The following EPB41L4A variants were observed in gnomAD, a reference collection of about 807,000 sequenced individuals.
EPB41L4A encodes band 4.1-like protein 4A.
Under a neutral mutation model 108.6 loss-of-function variants are expected in EPB41L4A, and 100 were observed. The ratio of observed to expected loss-of-function variants is 0.92; its 90% CI spans 0.78 to 1.09. EPB41L4A has a LOEUF of 1.09. EPB41L4A is among the 50% of genes least tolerant of loss of function. The pLI is 0.00. For synonymous variants in EPB41L4A, 319 were observed against 289.0 expected (o/e 1.10, Z -1.05); for missense variants, 1,030 against 842.7 (o/e 1.22, Z -2.75).
chr5:112,327,701 G>C (rs937279585), intron 1 of EPB41L4A, among the ~76,000 whole-genome samples: 1 of 152,018 alleles, frequency 6.6e-6, no homozygotes, highest in African/African-American at 2.4e-5. Context: ...TTGGGTGACA[G>C]AGTGAGATCC....
intron 7 of EPB41L4A, among the ~76,000 whole-genome samples, chr5:112,261,745 G>A (rs1751500316): frequency 6.6e-6 from 1 of 152,158 alleles, no homozygotes; most frequent in African/African-American, 2.4e-5. Flanking sequence ...CATATTGACA[G>A]AATCAACAGT....
At chr5:112,313,949 C>T (rs568584066) in intron 1 of EPB41L4A, among the ~76,000 whole-genome samples, 6 of 149,186 alleles carry the variant, frequency 4.0e-5, no homozygotes, top group African/African-American at 9.9e-5. Context: ...CTGCAAGCTC[C>T]GCCTCCCGGG....
At chr5:112,259,398 T>C (rs1751337626) in intron 8 of EPB41L4A, 106 bp from the exon 9 acceptor site, 2 of 855,958 alleles carry the variant, frequency 2.3e-6, no homozygotes, top group Non-Finnish European at 2.0e-6. Context: ...GGCTCCTTTA[T>C]ATACTGCTCC....
At position 112,178,977 on chromosome 5, in the gene EPB41L4A, A is replaced by C. The variant is rs78876726; in HGVS notation, c.1622+5039T>G. On this transcript the variant is annotated intron_variant, in intron 18 of 22. Transcript: ENST00000261486. Reference sequence around the variant, plus strand: ...GTTCTCTGAAAAAAATAAATTAAAAAAAAATGAAGAGAAAACACAAATCAC... The same window carrying C: ...GTTCTCTGAAAAAAATAAATTAAAACAAAATGAAGAGAAAACACAAATCAC... Among the ~76,000 whole-genome samples, 887 of 152,170 alleles carry C rather than the reference A, an allele frequency of 5.8e-3. 3 individuals are homozygous for C. The highest frequency in any genetic ancestry group is 0.014 in the Middle Eastern group (4 of 292).
At chr5:112,262,628 G>T in intron 6 of EPB41L4A, 47 bp from the exon 7 acceptor site, 2 of 1,438,886 alleles carry the variant, frequency 1.4e-6, no homozygotes, top group Non-Finnish European at 1.9e-6. Context: ...AGCAGCTACT[G>T]CACTTACAGG....
At chr5:112,418,657 T>G (rs374579844) in intron 1 of EPB41L4A, among the ~76,000 whole-genome samples, 1 of 152,076 alleles carries the variant, frequency 6.6e-6, no homozygotes, top group African/African-American at 2.4e-5. Flanking sequence ...CCAGAGGCTT[T>G]TGGAGAAAAC....
At chr5:112,210,327 G>T (rs1409593046) in intron 12 of EPB41L4A, among the ~76,000 whole-genome samples, 1 of 152,002 alleles carries the variant, frequency 6.6e-6, no homozygotes, top group African/African-American at 2.4e-5. Flanking sequence ...AAAACATAAT[G>T]ATCAGGTTTT....
At chr5:112,341,753 A>AAG in intron 1 of EPB41L4A, among the ~76,000 whole-genome samples, 1 of 149,472 alleles carries the variant, frequency 6.7e-6, no homozygotes, top group Non-Finnish European at 1.5e-5. Flanking sequence ...CACTATTTAA[A>AAG]ACACACACAC....
rs144058802 is a variant in EPB41L4A at position 112,170,514 on chromosome 5, G to A, written c.1671-145C>T. The A allele has an allele frequency of 4.3e-5, 26 of 610,890 alleles. 1 individual carries two copies. In the Middle Eastern group the frequency reaches 1.0e-3, roughly 24 times the overall value. The allele number at this position is 610,890 out of a possible 1,614,324, so 37.8% of individuals were successfully genotyped here. A position where few individuals can be genotyped will look rare whatever the true frequency, so the allele number is the denominator to read the frequency against. On this transcript the variant is annotated intron_variant, in intron 19 of 22. Transcript: ENST00000261486. The stretch of plus-strand genomic sequence containing the variant: ...TAATGAAAATTTATAAAAACTAAAC[G>A]TGTTCAAGGAAAAATAGGAGGGGTA...
intron 12 of EPB41L4A, among the ~76,000 whole-genome samples, chr5:112,234,217 A>AAAATAT (rs1749167957): frequency 6.9e-6 from 1 of 143,974 alleles, no homozygotes; most frequent in Admixed American, 6.9e-5. Context: ...AAATATAAAT[A>AAAATAT]AAATAAAATA....
intron 11 of EPB41L4A, among the ~76,000 whole-genome samples, chr5:112,236,810 A>G (rs1195052547): frequency 6.6e-6 from 1 of 152,208 alleles, no homozygotes; most frequent in East Asian, 1.9e-4. Context: ...AGGGACGCTT[A>G]CTTTACTTTT....
chr5:112,255,564 A>G (rs1047829730), intron 9 of EPB41L4A, among the ~76,000 whole-genome samples: 8 of 152,136 alleles, frequency 5.3e-5, no homozygotes, highest in Non-Finnish European at 1.0e-4. Context: ...CATCTGACAC[A>G]TGCTTAATAC....
intron 1 of EPB41L4A, among the ~76,000 whole-genome samples, chr5:112,414,486 A>C (rs938011547): frequency 6.6e-6 from 1 of 152,116 alleles, no homozygotes; most frequent in Non-Finnish European, 1.5e-5. Flanking sequence ...TGGTGAGAGG[A>C]GGCAGGGAAT....
intron 1 of EPB41L4A, among the ~76,000 whole-genome samples, chr5:112,370,894 G>A (rs1056393285): frequency 6.6e-6 from 1 of 152,214 alleles, no homozygotes; most frequent in African/African-American, 2.4e-5. Context: ...AGCTGAGACT[G>A]CACCACTGCA....
At chr5:112,279,422 G>A (rs923410724) in intron 3 of EPB41L4A, among the ~76,000 whole-genome samples, 1 of 152,150 alleles carries the variant, frequency 6.6e-6, no homozygotes, top group Non-Finnish European at 1.5e-5. Flanking sequence ...GTTTTGATTA[G>A]CAATAATTCA....
intron 1 of EPB41L4A, among the ~76,000 whole-genome samples, chr5:112,375,591 A>G (rs780659605): frequency 6.6e-6 from 1 of 152,156 alleles, no homozygotes; most frequent in Non-Finnish European, 1.5e-5. Flanking sequence ...CATAAAACAA[A>G]AATTCTTCAA....
chr5:112,270,814 T>C (rs1752212873), intron 4 of EPB41L4A, among the ~76,000 whole-genome samples: 2 of 152,114 alleles, frequency 1.3e-5, no homozygotes. Flanking sequence ...AAAGAAGACA[T>C]GAACATAATA....
chr5:112,328,373 G>A (rs1429040543), intron 1 of EPB41L4A, among the ~76,000 whole-genome samples: 1 of 151,318 alleles, frequency 6.6e-6, no homozygotes, highest in Non-Finnish European at 1.5e-5. Flanking sequence ...GTTGCACTTG[G>A]CTTTCCCAAA....
intron 1 of EPB41L4A, among the ~76,000 whole-genome samples, chr5:112,334,987 C>T (rs953971854): frequency 6.6e-6 from 1 of 152,108 alleles, no homozygotes; most frequent in Non-Finnish European, 1.5e-5. Context: ...AAAACACTGG[C>T]CTATACTAGG....
Sources: gnomAD v4.1 joint callset for allele counts (sites outside exome capture counted in the v4.1 genomes callset) on GRCh38, gnomAD v4.1.1 for gene constraint, MANE v1.5 for transcripts, NCBI Gene and HGNC (gene_info 2026-07-23, HGNC 2026-07-21) for gene names.